RBM33: variants seen among roughly 807,000 people sequenced by gnomAD.
RBM33 encodes RNA binding motif protein 33.
A neutral mutation model predicts 132.6 loss-of-function variants in RBM33; 28 were observed. The observed-to-expected ratio is 0.21, with a 90% CI of 0.16 to 0.29. The LOEUF is 0.29. Among genes scored for constraint, RBM33 ranks in the 10% least tolerant of loss-of-function variants. The probability of loss-of-function intolerance (pLI) is 1.00; values close to 1 mark genes in which losing one functional copy is unlikely to be tolerated. For synonymous variants in RBM33, 634 were observed against 593.0 expected (o/e 1.07, Z -1.01); for missense variants, 1,291 against 1,518.5 (o/e 0.85, Z 2.49).
At chr7:155,679,082 G>A (rs956905908) in intron 4 of RBM33, among the ~76,000 whole-genome samples, 3 of 152,168 alleles carry the variant, frequency 2.0e-5, no homozygotes, top group Non-Finnish European at 4.4e-5. Context: ...TGAAGCAGGA[G>A]AATTGCTTGA....
chr7:155,706,641 G>A (rs555907278), intron 6 of RBM33, among the ~76,000 whole-genome samples: 1 of 152,284 alleles, frequency 6.6e-6, no homozygotes, highest in African/African-American at 2.4e-5. Flanking sequence ...CTTGCATTGT[G>A]TCATAACGGA....
chr7:155,743,888 A>G lies in RBM33; in HGVS notation c.2338-1073A>G, dbSNP rs566294809. Among the ~76,000 whole-genome samples, 3 of 152,190 alleles carry G rather than the reference A, an allele frequency of 2.0e-5. No homozygotes were observed. In the South Asian group the frequency reaches 6.2e-4, roughly 32 times the overall value. ...GATGCCCATGTCCCTTGTGCCCACT[A>G]TCCCCCTGGACGCCATGTCTTGCTC... On this transcript the variant is annotated intron_variant, in intron 13 of 17. Transcript: ENST00000401878.
In RBM33 at chr7:155,775,208, C is replaced by T; in HGVS notation, c.*167C>T. On this transcript the variant is annotated 3_prime_UTR_variant, in exon 18 of 18. Transcript: ENST00000401878. Reference sequence around the variant, plus strand: ...AGCCACGGGCCTGATTCCAGAGGAGCCGAACTGACAGGACACAGCAGGCTG... The same window carrying T: ...AGCCACGGGCCTGATTCCAGAGGAGTCGAACTGACAGGACACAGCAGGCTG... 1.4e-6 allele frequency: 1 copy of T among 719,114 alleles called. No individual in the cohort carries two copies. The allele number at this position is 719,114 out of a possible 1,614,324, so 44.5% of individuals were successfully genotyped here.
rs759667366 is a variant in RBM33, at chr7:155,775,159, T to A, written c.*118T>A. 2 of 911,986 alleles carry A rather than the reference T, an allele frequency of 2.2e-6. No homozygotes were observed. Among genetic ancestry groups the A allele is most frequent in the Non-Finnish European group, 1.8e-6 (1 of 552,300 alleles). 56.5% of individuals were successfully genotyped at this position (911,986 alleles called of 1,614,324 possible). A position where few individuals can be genotyped will look rare whatever the true frequency, so the allele number is the denominator to read the frequency against. ...GGTCTCTCCGGGCCGCTGTCCTGCG[T>A]AACTGTTCTCCAGAGCGCCAGCCAG... On this transcript the variant is annotated 3_prime_UTR_variant, in exon 18 of 18. Coordinates refer to ENST00000401878, the MANE Select transcript of RBM33 (RefSeq NM_053043.3).
chr7:155,664,316 C>T (rs200606999), intron 1 of RBM33, among the ~76,000 whole-genome samples: 16 of 151,918 alleles, frequency 1.1e-4, no homozygotes, highest in East Asian at 9.7e-4. Context: ...TGCAGTGGCG[C>T]GATCTCCGCT....
chr7:155,745,767 A>G lies in RBM33; in HGVS notation c.2979+165A>G. The G allele has an allele frequency of 1.5e-6, 1 of 688,962 alleles. No individual in the cohort carries two copies. The highest frequency in any genetic ancestry group is 2.4e-6 in the Non-Finnish European group (1 of 416,850). 42.7% of individuals were successfully genotyped at this position (688,962 alleles called of 1,614,324 possible). A position where few individuals can be genotyped will look rare whatever the true frequency, so the allele number is the denominator to read the frequency against. The stretch of plus-strand genomic sequence containing the variant: ...TTGGTATAAGAATTGCCGCTTGACG[A>G]CAGGCATACATTCTCAGAAATGTGT... On this transcript the variant is annotated intron_variant, in intron 14 of 17. Coordinates refer to ENST00000401878, the MANE Select transcript of RBM33 (RefSeq NM_053043.3). This position sits in a 1 kb window ranked among gnomAD's most constrained non-coding sequence, Gnocchi z 4.1.
intron 2 of RBM33, among the ~76,000 whole-genome samples, chr7:155,666,612 A>T (rs1798808827): frequency 6.6e-6 from 1 of 152,224 alleles, no homozygotes; most frequent in Non-Finnish European, 1.5e-5. Flanking sequence ...TTTGATTAAA[A>T]GACTGTGATG....
intron 14 of RBM33, among the ~76,000 whole-genome samples, chr7:155,749,495 G>A (rs1168404771): frequency 6.6e-6 from 1 of 152,114 alleles, no homozygotes; most frequent in East Asian, 1.9e-4. Context: ...TATTTTATCT[G>A]CTGTGTTTTT....
intron 2 of RBM33, among the ~76,000 whole-genome samples, chr7:155,666,500 C>T (rs1036041825): frequency 1.8e-4 from 28 of 152,182 alleles, no homozygotes; most frequent in Admixed American, 1.6e-3. Context: ...GTCAAGCTGT[C>T]GCACAAAATC....
At chr7:155,655,598 G>A (rs1203795582) in intron 1 of RBM33, among the ~76,000 whole-genome samples, 3 of 131,344 alleles carry the variant, frequency 2.3e-5, no homozygotes, top group Admixed American at 8.7e-5. Flanking sequence ...AAAAGTAATG[G>A]TGGGTACATT....
At chr7:155,713,438 C>T (rs757269278) in intron 8 of RBM33, among the ~76,000 whole-genome samples, 4 of 151,334 alleles carry the variant, frequency 2.6e-5, no homozygotes, top group African/African-American at 4.9e-5. Flanking sequence ...GAGGAGAACC[C>T]GTCAGGGAGG....
chr7:155,764,307 TCGGGACAGCGCCTGCTGCTG>T (rs1419856074), intron 15 of RBM33, among the ~76,000 whole-genome samples: 1 of 150,848 alleles, frequency 6.6e-6, no homozygotes, highest in Non-Finnish European at 1.5e-5. Context: ...TGCTGTGCTC[TCGGGACAGCGCCTGCTGCTG>T]CGTGTCAGCA....
chr7:155,764,857 C>T (rs1802161035), intron 15 of RBM33, among the ~76,000 whole-genome samples: 1 of 152,246 alleles, frequency 6.6e-6, no homozygotes, highest in Non-Finnish European at 1.5e-5. Context: ...ACTATTCTGG[C>T]TCCTTTTGAA....
chr7:155,681,558 T>C (rs1799338721), intron 5 of RBM33, among the ~76,000 whole-genome samples: 1 of 152,118 alleles, frequency 6.6e-6, no homozygotes, highest in Non-Finnish European at 1.5e-5. Flanking sequence ...AAATGACTCA[T>C]TATCAAAAGA....
At chr7:155,758,743 C>T (rs968042656) in intron 14 of RBM33, among the ~76,000 whole-genome samples, 10 of 152,092 alleles carry the variant, frequency 6.6e-5, no homozygotes, top group African/African-American at 2.2e-4. Context: ...GTTGGGTAGT[C>T]GGCATCACAA....
intron 2 of RBM33, among the ~76,000 whole-genome samples, chr7:155,671,784 G>A (rs1798947909): frequency 6.6e-6 from 1 of 152,068 alleles, no homozygotes; most frequent in African/African-American, 2.4e-5. Context: ...GTATATTTCT[G>A]TATGTTGACT....
chr7:155,754,050 T>G lies in RBM33; in HGVS notation c.2979+8448T>G, dbSNP rs939616604. 2.0e-5 allele frequency among the ~76,000 whole-genome samples: 3 copies of G among 152,226 alleles called. No individual in the cohort carries two copies. In the East Asian group the frequency reaches 5.8e-4, roughly 29 times the overall value. Reference sequence around the variant, plus strand: ...AATTGATAATTTCCAAGGAGACTACTTTTTAAGCATTCTTAATCATGTGGC... The same window carrying G: ...AATTGATAATTTCCAAGGAGACTACGTTTTAAGCATTCTTAATCATGTGGC... On this transcript the variant is annotated intron_variant, in intron 14 of 17. Transcript: ENST00000401878.
In RBM33 at chr7:155,680,900, G is replaced by T; in HGVS notation, c.559G>T (p.Glu187Ter). Residue 187 changes from glutamate to a stop codon, truncating the protein, a stop_gained, in exon 5 of 18, where the codon GAA (glutamate) becomes TAA (stop). Transcript: ENST00000401878. LOFTEE classifies it high-confidence loss of function. ...CATCGAGATCAATGAACCTTTAGATGAATTTACAGTGAGTCTTTTCTCCTT... is the reference window on the plus strand; with the variant it reads ...CATCGAGATCAATGAACCTTTAGATTAATTTACAGTGAGTCTTTTCTCCTT... ...LDIEINEPLD[E>*]FTGGMETLEL... 2 of 1,612,244 alleles carry T rather than the reference G, an allele frequency of 1.2e-6. No individual in the cohort carries two copies. The highest frequency in any genetic ancestry group is 1.1e-5 in the South Asian group (1 of 90,932).
Position 155,661,833 on chromosome 7 carries a change from A to G in RBM33, c.44-3342A>G, listed in dbSNP as rs760988131. Among the ~76,000 whole-genome samples, 6 of 152,164 alleles carry G rather than the reference A, an allele frequency of 3.9e-5. 1 individual carries two copies. The highest frequency in any genetic ancestry group is 6.3e-3 in the Middle Eastern group (2 of 316). On this transcript the variant is annotated intron_variant, in intron 1 of 17. Coordinates refer to ENST00000401878, the MANE Select transcript of RBM33 (RefSeq NM_053043.3). ...CTACTTACAGATCTTTTTCTATGAA[A>G]TCTGACGCCTGATCCTCTCACATGC...
Sources: gnomAD v4.1 joint callset for allele counts (sites outside exome capture counted in the v4.1 genomes callset) on GRCh38, gnomAD v4.1.1 for gene constraint, Gnocchi (gnomAD v3.1) non-coding constraint, MANE v1.5 for transcripts, NCBI Gene and HGNC (gene_info 2026-07-23, HGNC 2026-07-21) for gene names.